Variants in CFAP53 observed in about 807,000 individuals in gnomAD.
CFAP53 encodes the protein cilia and flagella associated protein 53.
Under a neutral mutation model 59.7 loss-of-function variants are expected in CFAP53, and 62 were observed. That is an observed-to-expected ratio of 1.04 (90% CI 0.85 to 1.28). The LOEUF (loss-of-function observed/expected upper bound fraction) is 1.28, where lower values mean the gene tolerates loss of function less well. CFAP53 is among the 50% of genes most tolerant of loss of function. The probability of loss-of-function intolerance (pLI) is 0.00; values close to 1 mark genes in which losing one functional copy is unlikely to be tolerated. For missense variants in CFAP53, 629 were observed against 615.6 expected (o/e 1.02, Z -0.23); for synonymous variants, 218 against 205.7 (o/e 1.06, Z -0.51).
chr18:50,227,280 G>C lies in CFAP53; in HGVS notation c.*101C>G. 1.1e-6 allele frequency: 1 copy of C among 929,178 alleles called. No homozygotes were observed. Among genetic ancestry groups the C allele is most frequent in the Non-Finnish European group, 1.6e-6 (1 of 623,136 alleles). 57.6% of individuals were successfully genotyped at this position (929,178 alleles called of 1,614,324 possible). ...TGTTCAATTAATTACACAAACTCAG[G>C]GAAAAAAGAAAAGTTTATCCAGGAG... On this transcript the variant is annotated 3_prime_UTR_variant, in exon 8 of 8. Transcript: ENST00000398545.
rs1238958940 is a variant in CFAP53, at chr18:50,231,982, C to A, written c.1317-4373G>T. Among the ~76,000 whole-genome samples, 3 of 152,182 alleles carry A rather than the reference C, an allele frequency of 2.0e-5. No homozygotes were observed. The East Asian group carries it at 5.8e-4, about 29-fold the overall frequency. On this transcript the variant is annotated intron_variant, in intron 7 of 7. Transcript: ENST00000398545. The stretch of plus-strand genomic sequence containing the variant: ...CCTCCCTTCACCCATTTTCCTTGTA[C>A]CTGGACTGGCCATCCAGCATAAGGC...
chr18:50,259,487 G>A (rs2033872414), intron 3 of CFAP53, among the ~76,000 whole-genome samples: 1 of 149,758 alleles, frequency 6.7e-6, no homozygotes, highest in African/African-American at 2.5e-5. Context: ...GGTGGGGACA[G>A]TTAATGGGTA....
intron 3 of CFAP53, among the ~76,000 whole-genome samples, chr18:50,257,856 C>T (rs551419425): frequency 6.6e-6 from 1 of 152,196 alleles, no homozygotes; most frequent in East Asian, 1.9e-4. Flanking sequence ...ATAGGGAAAC[C>T]CCGTCTCTAT....
At chr18:50,250,731 G>A in intron 5 of CFAP53, 27 bp downstream of exon 5, 4 of 1,565,154 alleles carry the variant, frequency 2.6e-6, no homozygotes, top group South Asian at 1.1e-5. Context: ...CTTCCAGCAG[G>A]TAGCAGGCAC....
At chr18:50,237,667 G>A (rs577645582) in intron 7 of CFAP53, among the ~76,000 whole-genome samples, 2 of 152,072 alleles carry the variant, frequency 1.3e-5, no homozygotes, top group East Asian at 3.9e-4. Flanking sequence ...CCTGATTTAG[G>A]TATCATGGCC....
At chr18:50,238,852 T>A in intron 6 of CFAP53, 147 bp from the exon 7 acceptor site, 1 of 560,282 alleles carries the variant, frequency 1.8e-6, no homozygotes, top group Non-Finnish European at 3.1e-6. Flanking sequence ...GAAGTACACA[T>A]CTCAATTGAG....
At chr18:50,249,543 A>C (rs1165225448) in intron 5 of CFAP53, among the ~76,000 whole-genome samples, 1 of 152,080 alleles carries the variant, frequency 6.6e-6, no homozygotes, top group Non-Finnish European at 1.5e-5. Flanking sequence ...AAAAAGAAAA[A>C]GAAAAAGAAA....
intron 7 of CFAP53, among the ~76,000 whole-genome samples, chr18:50,234,650 G>A (rs368333775): frequency 6.6e-5 from 10 of 152,280 alleles, no homozygotes; most frequent in East Asian, 3.9e-4. Context: ...TGGAGAGGAC[G>A]TGCACTATAG....
In CFAP53 at chr18:50,242,749, A is replaced by G. The variant is rs971697020; in HGVS notation, c.1213+151T>C. On this transcript the variant is annotated intron_variant, in intron 6 of 7. Transcript: ENST00000398545. ...GGTCTCTTCATATATATCCAATTAG[A>G]TAAGATTTGCAATAACAGGCCTCCT... is the stretch of plus-strand genomic sequence containing the variant. 12 of 662,704 alleles carry G rather than the reference A, an allele frequency of 1.8e-5. No homozygotes were observed. In the African/African-American group the frequency reaches 1.8e-4, roughly 10 times the overall value. 41.1% of individuals were successfully genotyped at this position (662,704 alleles called of 1,614,324 possible). A position where few individuals can be genotyped will look rare whatever the true frequency, so the allele number is the denominator to read the frequency against.
chr18:50,238,237 T>C (rs897786132), intron 7 of CFAP53, among the ~76,000 whole-genome samples: 4 of 152,200 alleles, frequency 2.6e-5, no homozygotes, highest in Admixed American at 2.0e-4. Context: ...GCACATGGTC[T>C]TTATGTTGAA....
At chr18:50,232,539 T>C (rs372011931) in intron 7 of CFAP53, among the ~76,000 whole-genome samples, 4 of 152,128 alleles carry the variant, frequency 2.6e-5, no homozygotes, top group African/African-American at 9.7e-5. Flanking sequence ...CCCAGTGGAA[T>C]AAATTTTAAA....
chr18:50,238,599 A>G lies in CFAP53; in HGVS notation c.1316+4T>C, dbSNP rs2033658850. Reference sequence around the variant, plus strand: ...AAATGATGATACAGAAAACAAAATCATACCTTGCAAAATTCTCCTTCTCTT... The same window carrying G: ...AAATGATGATACAGAAAACAAAATCGTACCTTGCAAAATTCTCCTTCTCTT... On this transcript the variant is annotated splice_donor_region_variant and intron_variant, in intron 7 of 7. Coordinates refer to ENST00000398545, the MANE Select transcript of CFAP53 (RefSeq NM_145020.5). 1 of 1,604,008 alleles carries G rather than the reference A, an allele frequency of 6.2e-7. No individual in the cohort carries two copies. The highest frequency in any genetic ancestry group is 1.1e-5 in the South Asian group (1 of 89,638).
At chr18:50,266,041 T>C (rs956173222) in intron 1 of CFAP53, among the ~76,000 whole-genome samples, 3 of 152,188 alleles carry the variant, frequency 2.0e-5, no homozygotes, top group African/African-American at 7.2e-5. Flanking sequence ...TCTTGGAGAC[T>C]GAAAAACCCT....
At chr18:50,258,739 G>T (rs2033866618) in intron 3 of CFAP53, among the ~76,000 whole-genome samples, 1 of 152,010 alleles carries the variant, frequency 6.6e-6, no homozygotes, top group Admixed American at 6.6e-5. Context: ...TATATAAGGA[G>T]CTCAAACAAC....
intron 6 of CFAP53, among the ~76,000 whole-genome samples, chr18:50,242,621 A>T (rs927082275): frequency 6.6e-6 from 1 of 152,164 alleles, no homozygotes; most frequent in African/African-American, 2.4e-5. Context: ...TCTGTGCCCC[A>T]CCTTCTCACT....
chr18:50,240,573 G>C (rs1325164106), intron 6 of CFAP53, among the ~76,000 whole-genome samples: 1 of 152,172 alleles, frequency 6.6e-6, no homozygotes, highest in Non-Finnish European at 1.5e-5. Context: ...CTGTGACTGA[G>C]CACCCTTTCT....
chr18:50,245,827 C>A (rs1482259597), intron 5 of CFAP53, among the ~76,000 whole-genome samples: 1 of 152,230 alleles, frequency 6.6e-6, no homozygotes, highest in East Asian at 1.9e-4. Flanking sequence ...TTAAAAAGAA[C>A]AAAGTTTGAG....
intron 5 of CFAP53, among the ~76,000 whole-genome samples, chr18:50,243,493 A>G (rs560363736): frequency 2.6e-5 from 4 of 152,330 alleles, no homozygotes; most frequent in African/African-American, 9.6e-5. Context: ...ATACAGCTTT[A>G]TTTTCATTTA....
intron 3 of CFAP53, among the ~76,000 whole-genome samples, chr18:50,252,467 G>T (rs1429504158): frequency 6.6e-6 from 1 of 152,022 alleles, no homozygotes; most frequent in African/African-American, 2.4e-5. Context: ...GCAGTGGCGT[G>T]ATCATGGCTC....
Sources: gnomAD v4.1 joint callset for allele counts (sites outside exome capture counted in the v4.1 genomes callset) on GRCh38, gnomAD v4.1.1 for gene constraint, MANE v1.5 for transcripts, NCBI Gene and HGNC (gene_info 2026-07-23, HGNC 2026-07-21) for gene names.